CALCR: variants seen among roughly 807,000 people sequenced by gnomAD.
CALCR encodes calcitonin receptor.
CALCR carries 47 observed loss-of-function variants against 59.5 expected under a neutral mutation model. The ratio of observed to expected loss-of-function variants is 0.79; its 90% CI spans 0.63 to 1.01. CALCR has a LOEUF of 1.01. Ranked by LOEUF, CALCR falls within the 50% of genes least tolerant of loss-of-function variation. The pLI is 0.00. For missense variants in CALCR, 566 were observed against 597.1 expected, an observed-to-expected ratio of 0.95 and a Z score of 0.54; for synonymous variants, 213 against 211.3, an observed-to-expected ratio of 1.01 and a Z score of -0.07.
chr7:93,556,759 T>C (rs1253499618), intron 2 of CALCR, among the ~76,000 whole-genome samples: 1 of 152,066 alleles, frequency 6.6e-6, no homozygotes, highest in Non-Finnish European at 1.5e-5. Context: ...CTCATTCTTT[T>C]GAAATAGGTG....
At chr7:93,433,612 GA>G (rs2115679438) in intron 13 of CALCR, among the ~76,000 whole-genome samples, 1 of 152,258 alleles carries the variant, frequency 6.6e-6, no homozygotes, top group Non-Finnish European at 1.5e-5. Flanking sequence ...AAGTTCTTTG[GA>G]AGGATGTCTG....
intron 2 of CALCR, among the ~76,000 whole-genome samples, chr7:93,549,092 C>G (rs1789381349): frequency 6.6e-6 from 1 of 152,056 alleles, no homozygotes. Context: ...TACAGAATTT[C>G]TAATTGTTAC....
intron 2 of CALCR, among the ~76,000 whole-genome samples, chr7:93,526,810 T>C (rs1377560068): frequency 1.3e-5 from 2 of 152,094 alleles, no homozygotes; most frequent in Non-Finnish European, 2.9e-5. Context: ...TAGTTACTTA[T>C]GACTTCAACA....
chr7:93,564,942 T>C, intron 2 of CALCR, among the ~76,000 whole-genome samples: 1 of 152,120 alleles, frequency 6.6e-6, no homozygotes, highest in Non-Finnish European at 1.5e-5. Context: ...GCTTCTAGAA[T>C]AAATGAGAAT....
intron 8 of CALCR, among the ~76,000 whole-genome samples, chr7:93,447,543 G>A (rs1423812685): frequency 6.6e-6 from 1 of 151,846 alleles, no homozygotes; most frequent in African/African-American, 2.4e-5. Flanking sequence ...TTAAGTATGA[G>A]AAATAGAGGA....
chr7:93,538,210 C>T (rs1789043375), intron 2 of CALCR, among the ~76,000 whole-genome samples: 1 of 151,938 alleles, frequency 6.6e-6, no homozygotes, highest in South Asian at 2.1e-4. Context: ...ACAAAAATAG[C>T]CAAGAATGCA....
At chr7:93,557,061 A>C (rs963927207) in intron 2 of CALCR, among the ~76,000 whole-genome samples, 1 of 151,996 alleles carries the variant, frequency 6.6e-6, no homozygotes, top group Non-Finnish European at 1.5e-5. Context: ...ATGACTTCCT[A>C]CATTTTGTCC....
chr7:93,461,941 CAATG>C (rs1800345024), intron 7 of CALCR: 1 of 650,384 alleles, frequency 1.5e-6, no homozygotes, highest in Non-Finnish European at 2.7e-6. Flanking sequence ...TAAAACATGC[CAATG>C]ACTCATAACA....
chr7:93,458,863 CA>C (rs1335850673), intron 8 of CALCR, among the ~76,000 whole-genome samples: 1 of 152,072 alleles, frequency 6.6e-6, no homozygotes, highest in Non-Finnish European at 1.5e-5. Flanking sequence ...TTTTGCAGAA[CA>C]AAAATTATCA....
chr7:93,433,620 T>A (rs574026316), intron 13 of CALCR, among the ~76,000 whole-genome samples: 1 of 152,324 alleles, frequency 6.6e-6, no homozygotes, highest in South Asian at 2.1e-4. Context: ...TGGAAGGATG[T>A]CTGGAGCTAT....
At chr7:93,476,638 C>G (rs1017584046) in intron 5 of CALCR, among the ~76,000 whole-genome samples, 3 of 151,722 alleles carry the variant, frequency 2.0e-5, no homozygotes, top group Non-Finnish European at 1.5e-5. Context: ...TATTTATATC[C>G]ACTTTGGCAA....
chr7:93,543,273 C>A (rs1425500936), intron 2 of CALCR, among the ~76,000 whole-genome samples: 1 of 152,020 alleles, frequency 6.6e-6, no homozygotes, highest in African/African-American at 2.4e-5. Context: ...GCCTCCAGAG[C>A]AGCTGAGATT....
intron 2 of CALCR, among the ~76,000 whole-genome samples, chr7:93,568,196 TG>T (rs1563023822): frequency 6.6e-6 from 1 of 152,070 alleles, no homozygotes; most frequent in African/African-American, 2.4e-5. Context: ...ACATCTTTGT[TG>T]GGGGGATTAA....
rs559233130 is a variant in CALCR, at chr7:93,477,897, T to C, written c.206-229A>G. On this transcript the variant is annotated intron_variant, in intron 4 of 13. Transcript: ENST00000426151. ...CAAGCAGGGTTCTATTTCTACTTTG[T>C]AAAAGGTTCCAAAGTTGAGTGCATC... 3.8e-5 allele frequency among the ~76,000 whole-genome samples: 5 copies of C among 131,862 alleles called. No homozygotes were observed. The Middle Eastern group carries it at 0.019, about 493-fold the overall frequency. The allele number at this position is 131,862 out of a possible 152,430, so 86.5% of individuals were successfully genotyped here.
chr7:93,484,251 C>G (rs571663178), intron 3 of CALCR, among the ~76,000 whole-genome samples: 1 of 151,770 alleles, frequency 6.6e-6, no homozygotes, highest in Non-Finnish European at 1.5e-5. Context: ...GCAATTCCTA[C>G]TGTGATGTAG....
chr7:93,519,002 G>A (rs1455592391), intron 2 of CALCR, among the ~76,000 whole-genome samples: 1 of 151,852 alleles, frequency 6.6e-6, no homozygotes, highest in Non-Finnish European at 1.5e-5. Flanking sequence ...CTTACATAAT[G>A]ATCATGTTAA....
intron 2 of CALCR, among the ~76,000 whole-genome samples, chr7:93,527,281 ATATT>A (rs1427510286): frequency 1.3e-5 from 2 of 151,726 alleles, no homozygotes; most frequent in African/African-American, 2.4e-5. Flanking sequence ...AACATAAAAT[ATATT>A]TATACAAATG....
In CALCR at chr7:93,426,369, T is replaced by G. The variant is rs762814587; in HGVS notation, c.1412A>C (p.Glu471Ala). 2.5e-6 allele frequency: 4 copies of G among 1,589,362 alleles called. No individual in the cohort carries two copies. In the African/African-American group the frequency reaches 5.4e-5, roughly 21 times the overall value. ...TTTGCTTCACATTCAAGCAGATGAC[T>G]CTTGCTCTATGATATTCAAAGGGAT... ...EIIPLNIIEQ[E>A]SSA is the part of the protein sequence containing the mutation. Residue 471 changes from glutamate to alanine, a missense_variant, in exon 14 of 14, where the codon GAG (glutamate) becomes GCG (alanine). Transcript: ENST00000426151.
chr7:93,486,815 C>T (rs1421215267), intron 3 of CALCR, 116 bp downstream of exon 3: 13 of 705,824 alleles, frequency 1.8e-5, no homozygotes, highest in African/African-American at 3.7e-5. Flanking sequence ...AACTTAGTTT[C>T]GGCTTCTGGA....
Sources: gnomAD v4.1 joint callset for allele counts (sites outside exome capture counted in the v4.1 genomes callset) on GRCh38, gnomAD v4.1.1 for gene constraint, MANE v1.5 for transcripts, NCBI Gene and HGNC (gene_info 2026-07-23, HGNC 2026-07-21) for gene names.